Variants in DHH observed in about 807,000 individuals in gnomAD.
DHH encodes the protein desert hedgehog protein.
A neutral mutation model predicts 27.6 loss-of-function variants in DHH; 16 were observed. The ratio of observed to expected loss-of-function variants is 0.58; its 90% CI spans 0.39 to 0.88. DHH has a LOEUF of 0.88. DHH is among the 40% of genes least tolerant of loss of function. The pLI is 0.00. For synonymous variants in DHH, 289 were observed against 263.4 expected (o/e 1.10, Z -0.94); for missense variants, 436 against 563.1 (o/e 0.77, Z 2.28).
rs1348203454 is a variant in DHH at position 49,088,717 on chromosome 12, G to A, written c.*1142C>T. 2.6e-5 allele frequency among the ~76,000 whole-genome samples: 4 copies of A among 152,176 alleles called. No homozygotes were observed. Among genetic ancestry groups the A allele is most frequent in the Non-Finnish European group, 5.9e-5 (4 of 68,028 alleles). On this transcript the variant is annotated 3_prime_UTR_variant, in exon 3 of 3. Coordinates refer to ENST00000649637, the MANE Select transcript of DHH (RefSeq NM_021044.4). ...AGAGCTGGTGATAATGGGAGAGGGA[G>A]GAGGAGGCGCTGAAGACCAAGCCAG... is the stretch of plus-strand genomic sequence containing the variant.
rs1353474572 is a variant in DHH at position 49,089,880 on chromosome 12, T to C, written c.1170A>G (p.Leu390=). The part of the protein sequence containing the change: ...MHWYSRLLYR[L]AEELLG The stretch of plus-strand genomic sequence containing the variant: ...ACGCTCAGCCCAGTAGCTCCTCCGC[T>C]AAGCGGTAGAGGAGCCGAGAGTACC... The change falls in exon 3 of 3, where the codon TTA becomes TTG. Residue 390 remains leucine, a synonymous_variant. Transcript: ENST00000649637. The C allele has an allele frequency of 1.3e-6, 2 of 1,576,214 alleles. No homozygotes were observed. Among genetic ancestry groups the C allele is most frequent in the East Asian group, 2.4e-5 (1 of 42,260 alleles).
rs372019612 is a variant in DHH, at chr12:49,094,224, G to A, written c.289C>T (p.Arg97Cys). 1.9e-6 allele frequency: 3 copies of A among 1,613,364 alleles called. No homozygotes were observed. Among genetic ancestry groups the A allele is most frequent in the Admixed American group, 1.7e-5 (1 of 60,004 alleles). ...GCCCTCCTTACCTCGGTCATCAGGC[G>A]GTCGGCTCCACTGTTCTCCTCATCC... ...FKDEENSGADRLMTERCKERV... is the reference protein window; with the variant it reads ...FKDEENSGADCLMTERCKERV... The change falls in exon 1 of 3, where the codon CGC (arginine) becomes TGC (cysteine). Residue 97 changes from arginine (R) to cysteine (C), a missense_variant. Physicochemically the swap from Arg to Cys is radical, Grantham distance 180. Transcript: ENST00000649637.
In DHH at chr12:49,087,715, A is replaced by ATG. The variant is rs1939231048; in HGVS notation, c.*2142_*2143dup. ...GAGATCCTGTCTCTTTAAAAAATACATGTATATATATATGCATTACCTGAT... is the reference window on the plus strand; with the variant it reads ...GAGATCCTGTCTCTTTAAAAAATACATGTGTATATATATATGCATTACCTGAT... On this transcript the variant is annotated 3_prime_UTR_variant, in exon 3 of 3. Transcript: ENST00000649637. 6.6e-6 allele frequency among the ~76,000 whole-genome samples: 1 copy of ATG among 152,170 alleles called. No homozygotes were observed. The highest frequency in any genetic ancestry group is 2.4e-5 in the African/African-American group (1 of 41,428).
rs1052375064 is a variant in DHH, at chr12:49,088,169, G to A, written c.*1690C>T. Among the ~76,000 whole-genome samples, 8 of 152,116 alleles carry A rather than the reference G, an allele frequency of 5.3e-5. No homozygotes were observed. Among genetic ancestry groups the A allele is most frequent in the African/African-American group, 1.9e-4 (8 of 41,426 alleles). On this transcript the variant is annotated 3_prime_UTR_variant, in exon 3 of 3. Coordinates refer to ENST00000649637, the MANE Select transcript of DHH (RefSeq NM_021044.4). ...ACTAGTAGGGCATCTGCAGCTTCCA[G>A]GAACCACAGAGCTAAACTAGGCAGG...
intron 1 of DHH, among the ~76,000 whole-genome samples, chr12:49,093,616 T>G (rs1191462062): frequency 6.6e-6 from 1 of 152,064 alleles, no homozygotes; most frequent in Non-Finnish European, 1.5e-5. Context: ...AGATTATCGT[T>G]TAGACCCTAG....
At position 49,088,459 on chromosome 12, in the gene DHH, T is replaced by C. The variant is rs185656649; in HGVS notation, c.*1400A>G. Among the ~76,000 whole-genome samples, 256 of 152,324 alleles carry C rather than the reference T, an allele frequency of 1.7e-3. 2 individuals carry two copies. The highest frequency in any genetic ancestry group is 5.7e-3 in the African/African-American group (238 of 41,570). On this transcript the variant is annotated 3_prime_UTR_variant, in exon 3 of 3. Coordinates refer to ENST00000649637, the MANE Select transcript of DHH (RefSeq NM_021044.4). ...AGAGGGCGGTGTATAGCAGGGACCC[T>C]GTGCGATGGGAGCGCACAGCGGCTA... is the stretch of plus-strand genomic sequence containing the variant.
rs1939270850 is a variant in DHH at position 49,090,153 on chromosome 12, C to T, written c.897G>A (p.Ser299=). The T allele has an allele frequency of 1.9e-6, 3 of 1,538,528 alleles. No homozygotes were observed. The highest frequency in any genetic ancestry group is 2.6e-6 in the Non-Finnish European group (3 of 1,140,714). The change falls in exon 3 of 3, where the codon TCG becomes TCA. Residue 299 remains serine, a synonymous_variant. Coordinates refer to ENST00000649637, the MANE Select transcript of DHH (RefSeq NM_021044.4). This position sits in a 1 kb window ranked among gnomAD's most constrained non-coding sequence, Gnocchi z 5.2. The part of the protein sequence containing the change: ...VFARRLRAGD[S]VLAPGGDALR... The stretch of plus-strand genomic sequence containing the variant: ...GCGCATCCCCGCCGGGCGCCAGCAC[C>T]GAGTCCCCAGCGCGTAGCCGGCGCG...
Position 49,090,979 on chromosome 12 carries a change from G to A in DHH, c.565+149C>T. ...GGCCTCCCAAAGTGCTGGGATTAGAGGCGTGAGGCACCGCCTCGGCCTGGA... is the reference window on the plus strand; with the variant it reads ...GGCCTCCCAAAGTGCTGGGATTAGAAGCGTGAGGCACCGCCTCGGCCTGGA... On this transcript the variant is annotated intron_variant, in intron 2 of 2. Coordinates refer to ENST00000649637, the MANE Select transcript of DHH (RefSeq NM_021044.4). This position sits in a 1 kb window ranked among gnomAD's most constrained non-coding sequence, Gnocchi z 5.2. The A allele has an allele frequency of 8.3e-7, 1 of 1,206,476 alleles. No homozygotes were observed. The highest frequency in any genetic ancestry group is 1.2e-6 in the Non-Finnish European group (1 of 826,524). The allele number at this position is 1,206,476 out of a possible 1,614,324, so 74.7% of individuals were successfully genotyped here.
chr12:49,092,035 G>C (rs536829514), intron 1 of DHH, among the ~76,000 whole-genome samples: 1 of 152,192 alleles, frequency 6.6e-6, no homozygotes, highest in African/African-American at 2.4e-5. Flanking sequence ...TTAACCGAGC[G>C]AGAATCCTGA....
chr12:49,090,246 C>G lies in DHH; in HGVS notation c.804G>C (p.Thr268=). The G allele has an allele frequency of 1.3e-6, 2 of 1,563,986 alleles. No homozygotes were observed. Among genetic ancestry groups the G allele is most frequent in the Non-Finnish European group, 1.7e-6 (2 of 1,154,920 alleles). The change falls in exon 3 of 3, where the codon ACG becomes ACC. Residue 268 remains threonine, a synonymous_variant. Coordinates refer to ENST00000649637, the MANE Select transcript of DHH (RefSeq NM_021044.4). The surrounding 1 kb of genome is among the most constrained non-coding windows in gnomAD (Gnocchi z 5.2). ...TEWPPRKLLL[T]PWHLVFAARG... is the part of the protein sequence containing the mutation. The stretch of plus-strand genomic sequence containing the variant: ...GAGCGGCAAACACCAGGTGCCAGGG[C>G]GTGAGCAACAGTTTGCGTGGAGGCC...
intron 1 of DHH, among the ~76,000 whole-genome samples, chr12:49,092,600 G>A (rs1422618787): frequency 6.6e-6 from 1 of 152,226 alleles, no homozygotes; most frequent in Non-Finnish European, 1.5e-5. Context: ...CGCAGAGTTG[G>A]GGTTGGGTGG....
chr12:49,093,450 G>T (rs1939339007), intron 1 of DHH: 1 of 152,234 alleles, frequency 6.6e-6, no homozygotes, highest in Non-Finnish European at 1.5e-5. Context: ...CTCACTCTAG[G>T]TGGTTCCAAT....
Position 49,089,882 on chromosome 12 carries a change from A to G in DHH, c.1168T>C (p.Leu390=). 1 of 1,576,700 alleles carries G rather than the reference A, an allele frequency of 6.3e-7. No homozygotes were observed. Among genetic ancestry groups the G allele is most frequent in the Non-Finnish European group, 8.6e-7 (1 of 1,160,640 alleles). Residue 390 remains leucine (L), a synonymous_variant, in exon 3 of 3, where the codon TTA becomes CTA. Coordinates refer to ENST00000649637, the MANE Select transcript of DHH (RefSeq NM_021044.4). ...GCTCAGCCCAGTAGCTCCTCCGCTA[A>G]GCGGTAGAGGAGCCGAGAGTACCAA... ...MHWYSRLLYR[L]AEELLG is the part of the protein sequence containing the mutation.
In DHH at chr12:49,087,559, C is replaced by T. The variant is rs1399183194; in HGVS notation, c.*2300G>A. On this transcript the variant is annotated 3_prime_UTR_variant, in exon 3 of 3. Transcript: ENST00000649637. ...CTCTACAGAAAATACAAACATTAGC[C>T]AGGCATAGCGGCATGCACCTGTAGT... Among the ~76,000 whole-genome samples the T allele has an allele frequency of 6.6e-6, 1 of 152,094 alleles. No homozygotes were observed. Among genetic ancestry groups the T allele is most frequent in the Non-Finnish European group, 1.5e-5 (1 of 68,022 alleles).
rs1422899006 is a variant in DHH at position 49,091,017 on chromosome 12, A to T, written c.565+111T>A. ...GCCTCGGCCTGGACGGGTGGTTTTC[A>T]ACACTAAAGCCCGCTTGGTCTCCCC... On this transcript the variant is annotated intron_variant, in intron 2 of 2. Coordinates refer to ENST00000649637, the MANE Select transcript of DHH (RefSeq NM_021044.4). This position sits in a 1 kb window ranked among gnomAD's most constrained non-coding sequence, Gnocchi z 4.8. The T allele has an allele frequency of 2.6e-6, 4 of 1,562,818 alleles. No homozygotes were observed. Among genetic ancestry groups the T allele is most frequent in the Non-Finnish European group, 3.5e-6 (4 of 1,136,628 alleles).
Position 49,090,976 on chromosome 12 carries a change from A to T in DHH, c.565+152T>A. On this transcript the variant is annotated intron_variant, in intron 2 of 2. Coordinates refer to ENST00000649637, the MANE Select transcript of DHH (RefSeq NM_021044.4). This position sits in a 1 kb window ranked among gnomAD's most constrained non-coding sequence, Gnocchi z 5.2. ...CTTGGCCTCCCAAAGTGCTGGGATTAGAGGCGTGAGGCACCGCCTCGGCCT... is the reference window on the plus strand; with the variant it reads ...CTTGGCCTCCCAAAGTGCTGGGATTTGAGGCGTGAGGCACCGCCTCGGCCT... 1 of 1,168,118 alleles carries T rather than the reference A, an allele frequency of 8.6e-7. No individual in the cohort carries two copies. Among genetic ancestry groups the T allele is most frequent in the Non-Finnish European group, 1.3e-6 (1 of 792,674 alleles). 72.4% of individuals were successfully genotyped at this position (1,168,118 alleles called of 1,614,324 possible).
Position 49,094,791 on chromosome 12 carries a change from G to T in DHH, c.-279C>A. On this transcript the variant is annotated 5_prime_UTR_variant, in exon 1 of 3. Transcript: ENST00000649637. The stretch of plus-strand genomic sequence containing the variant: ...CAGCCCGTCTCTGCTGCAGGACTCT[G>T]GTGCTGCCAGAACGCCCGGACTCCG... 1 of 560,098 alleles carries T rather than the reference G, an allele frequency of 1.8e-6. No homozygotes were observed. Among genetic ancestry groups the T allele is most frequent in the Non-Finnish European group, 3.2e-6 (1 of 311,678 alleles). 34.7% of individuals were successfully genotyped at this position (560,098 alleles called of 1,614,324 possible).
Position 49,090,136 on chromosome 12 carries a change from C to A in DHH, c.914G>T (p.Gly305Val). Residue 305 changes from glycine to valine, a missense_variant, in exon 3 of 3, where the codon GGG becomes GTG. Coordinates refer to ENST00000649637, the MANE Select transcript of DHH (RefSeq NM_021044.4). The surrounding 1 kb of genome is among the most constrained non-coding windows in gnomAD (Gnocchi z 5.2). ...CACGCGCGCTGGCCGAAGCGCATCC[C>A]CGCCGGGCGCCAGCACCGAGTCCCC... ...RAGDSVLAPG[G>V]DALRPARVAR... 1 of 1,509,798 alleles carries A rather than the reference C, an allele frequency of 6.6e-7. No individual in the cohort carries two copies. Among genetic ancestry groups the A allele is most frequent in the South Asian group, 1.3e-5 (1 of 78,132 alleles). The allele number at this position is 1,509,798 out of a possible 1,614,324, so 93.5% of individuals were successfully genotyped here.
Position 49,093,131 on chromosome 12 carries a change from T to C in DHH, c.303+1079A>G, listed in dbSNP as rs546017679. 2.0e-5 allele frequency: 3 copies of C among 152,290 alleles called. No homozygotes were observed. In the East Asian group the frequency reaches 5.8e-4, roughly 29 times the overall value. 9.4% of individuals were successfully genotyped at this position (152,290 alleles called of 1,614,324 possible). A position where few individuals can be genotyped will look rare whatever the true frequency, so the allele number is the denominator to read the frequency against. Reference sequence around the variant, plus strand: ...CTAGTCCCAGCCATGCCACTTTAAATTGTGAGAGTTTAAATTGCTTTTCCT... The same window carrying C: ...CTAGTCCCAGCCATGCCACTTTAAACTGTGAGAGTTTAAATTGCTTTTCCT... On this transcript the variant is annotated intron_variant, in intron 1 of 2. Coordinates refer to ENST00000649637, the MANE Select transcript of DHH (RefSeq NM_021044.4).
Sources: allele counts gnomAD v4.1 joint callset (sites outside exome capture counted in the v4.1 genomes callset), GRCh38; gene constraint gnomAD v4.1.1; non-coding constraint Gnocchi (gnomAD v3.1); transcripts MANE v1.5; gene names NCBI Gene and HGNC (gene_info 2026-07-23, HGNC 2026-07-21).